Variants in CORO1C observed in about 807,000 individuals in gnomAD.
CORO1C encodes the protein coronin-1C.
Under a neutral mutation model 51.2 loss-of-function variants are expected in CORO1C, and 14 were observed. That is an observed-to-expected ratio of 0.27 (90% CI 0.18 to 0.43). The LOEUF (loss-of-function observed/expected upper bound fraction) is 0.43. Ranked by LOEUF, CORO1C falls within the 20% of genes least tolerant of loss-of-function variation. The pLI is 1.00. For synonymous variants in CORO1C, 181 were observed against 210.5 expected, an observed-to-expected ratio of 0.86 and a Z score of 1.21; for missense variants, 417 against 607.8, an observed-to-expected ratio of 0.69 and a Z score of 3.30.
chr12:108,678,261 TG>T lies in CORO1C; in HGVS notation c.318+10del, dbSNP rs2033981964. On this transcript the variant is annotated intron_variant, in intron 3 of 10. Coordinates refer to ENST00000261401, the MANE Select transcript of CORO1C (RefSeq NM_014325.4). ...ACTGGCCTGTGTGCACACAACACCC[TG>T]GGAGCTTACCATGACCGTGCAGTCC... is the stretch of plus-strand genomic sequence containing the variant. The T allele has an allele frequency of 1.2e-6, 2 of 1,607,272 alleles. No homozygotes were observed. Among genetic ancestry groups the T allele is most frequent in the East Asian group, 4.5e-5 (2 of 44,586 alleles).
At chr12:108,728,944 AAGT>A (rs1391498332) in intron 1 of CORO1C, among the ~76,000 whole-genome samples, 1 of 152,226 alleles carries the variant, frequency 6.6e-6, no homozygotes, top group African/African-American at 2.4e-5. Flanking sequence ...TTGAAAATGC[AAGT>A]AGCTCTCAAA....
rs1206864121 is a variant in CORO1C at position 108,678,294 on chromosome 12, C to A, written c.296G>T (p.Gly99Val). ...TACCATGACCGTGCAGTCCTCTGAA[C>A]CGCTGGCAATGACCTGATCGTTATG... ...CPHNDQVIAS[G>V]SEDCTVMVWQ... Residue 99 changes from glycine to valine, a missense_variant, in exon 3 of 11, where the codon GGT becomes GTT. Transcript: ENST00000261401. The A allele has an allele frequency of 1.9e-6, 3 of 1,613,052 alleles. No individual in the cohort carries two copies. Among genetic ancestry groups the A allele is most frequent in the East Asian group, 4.5e-5 (2 of 44,838 alleles).
In CORO1C at chr12:108,705,859, G is replaced by GA. The variant is rs201586994; in HGVS notation, c.-5-4537dup. On this transcript the variant is annotated intron_variant, in intron 1 of 10. Coordinates refer to ENST00000261401, the MANE Select transcript of CORO1C (RefSeq NM_014325.4). ...AACGTAACACATTATATCAATAGAAGAAAAAAAAATCACACAATTATCTCA... is the reference window on the plus strand; with the variant it reads ...AACGTAACACATTATATCAATAGAAGAAAAAAAAAATCACACAATTATCTCA... 4.1e-3 allele frequency among the ~76,000 whole-genome samples: 627 copies of GA among 151,480 alleles called. 1 individual carries two copies. Among genetic ancestry groups the GA allele is most frequent in the Non-Finnish European group, 6.7e-3 (457 of 67,766 alleles).
chr12:108,655,181 T>C (rs1038617535), intron 6 of CORO1C, among the ~76,000 whole-genome samples: 1 of 152,208 alleles, frequency 6.6e-6, no homozygotes, highest in Non-Finnish European at 1.5e-5. Flanking sequence ...GAGATTGAGA[T>C]GATAGAATGT....
intron 1 of CORO1C, among the ~76,000 whole-genome samples, chr12:108,712,720 G>A (rs538464081): frequency 7.3e-5 from 11 of 151,712 alleles, no homozygotes; most frequent in East Asian, 3.9e-4. Flanking sequence ...GTTGGCTCAC[G>A]CCTGCAATCT....
At chr12:108,715,828 T>A (rs1235083352) in intron 1 of CORO1C, among the ~76,000 whole-genome samples, 1 of 151,882 alleles carries the variant, frequency 6.6e-6, no homozygotes, top group African/African-American at 2.4e-5. Context: ...GACCTAGCAA[T>A]CTCACTTAAA....
intron 3 of CORO1C, among the ~76,000 whole-genome samples, chr12:108,662,398 GTGGCGCGA>G (rs1358181062): frequency 2.0e-5 from 3 of 152,208 alleles, no homozygotes; most frequent in Admixed American, 6.5e-5. Flanking sequence ...CTGGAGTGCA[GTGGCGCGA>G]TCTCGGCTCA....
At chr12:108,689,433 A>T (rs1477386670) in intron 2 of CORO1C, among the ~76,000 whole-genome samples, 4 of 152,316 alleles carry the variant, frequency 2.6e-5, no homozygotes, top group African/African-American at 7.2e-5. Context: ...TATCCCACAC[A>T]CAATTTCTTT....
chr12:108,657,249 C>G, intron 6 of CORO1C, 55 bp downstream of exon 6: 1 of 1,585,494 alleles, frequency 6.3e-7, no homozygotes, highest in Non-Finnish European at 8.6e-7. Context: ...AAGACCTGCT[C>G]AGAACAGAGA....
chr12:108,705,503 C>T (rs1431681433), intron 1 of CORO1C, among the ~76,000 whole-genome samples: 2 of 136,864 alleles, frequency 1.5e-5, no homozygotes, highest in African/African-American at 5.4e-5. Context: ...CAACCACAGA[C>T]AAGAAAGCCC....
chr12:108,678,115 A>C (rs986410134), intron 3 of CORO1C, among the ~76,000 whole-genome samples, 157 bp downstream of exon 3: 6 of 152,198 alleles, frequency 3.9e-5, no homozygotes, highest in African/African-American at 1.4e-4. Context: ...TTAAACTTAA[A>C]CGTAGTAAAT....
chr12:108,700,968 C>T, intron 2 of CORO1C, 156 bp downstream of exon 2: 1 of 800,350 alleles, frequency 1.2e-6, no homozygotes, highest in South Asian at 1.7e-5. Flanking sequence ...TAGAGAAAAA[C>T]TGATGTGGTT....
At chr12:108,680,162 T>A (rs2034072778) in intron 2 of CORO1C, among the ~76,000 whole-genome samples, 2 of 152,080 alleles carry the variant, frequency 1.3e-5, no homozygotes. Context: ...TGGAGCCCAG[T>A]GAGAGGAGAG....
At chr12:108,699,549 T>C (rs967004391) in intron 2 of CORO1C, among the ~76,000 whole-genome samples, 1 of 152,196 alleles carries the variant, frequency 6.6e-6, no homozygotes. Flanking sequence ...TAACAAGCTA[T>C]GGCTGTCTTC....
At chr12:108,716,590 T>C (rs1254442904) in intron 1 of CORO1C, among the ~76,000 whole-genome samples, 1 of 152,216 alleles carries the variant, frequency 6.6e-6, no homozygotes, top group Non-Finnish European at 1.5e-5. Flanking sequence ...CTGGCTTGGA[T>C]GTCAGACACA....
At chr12:108,666,316 G>A (rs545485762) in intron 3 of CORO1C, among the ~76,000 whole-genome samples, 1 of 152,320 alleles carries the variant, frequency 6.6e-6, no homozygotes, top group South Asian at 2.1e-4. Context: ...ACTGCAATGC[G>A]AGAAGAAAGT....
intron 2 of CORO1C, among the ~76,000 whole-genome samples, chr12:108,681,367 T>A (rs188331987): frequency 4.9e-4 from 75 of 152,320 alleles, no homozygotes; most frequent in African/African-American, 1.7e-3. Context: ...AAATCCCACC[T>A]CCGGCAGTAT....
At chr12:108,654,984 G>A (rs1435908238) in intron 6 of CORO1C, among the ~76,000 whole-genome samples, 1 of 152,140 alleles carries the variant, frequency 6.6e-6, no homozygotes, top group African/African-American at 2.4e-5. Context: ...GGGATTACAG[G>A]AATGGCCACT....
rs577758512 is a variant in CORO1C, at chr12:108,701,010, A to C, written c.195+114T>G. The C allele has an allele frequency of 2.2e-4, 259 of 1,165,366 alleles. No individual in the cohort carries two copies. The African/African-American group carries it at 3.6e-3, about 16-fold the overall frequency. The allele number at this position is 1,165,366 out of a possible 1,614,324, so 72.2% of individuals were successfully genotyped here. ...GCGTGTGGAACTTAACTTCAATTAC[A>C]TCAGAGTCTAATGGTTTCACAAATA... On this transcript the variant is annotated intron_variant, in intron 2 of 10. Coordinates refer to ENST00000261401, the MANE Select transcript of CORO1C (RefSeq NM_014325.4).
Sources: gnomAD v4.1 joint callset for allele counts (sites outside exome capture counted in the v4.1 genomes callset) on GRCh38, gnomAD v4.1.1 for gene constraint, MANE v1.5 for transcripts, NCBI Gene and HGNC (gene_info 2026-07-23, HGNC 2026-07-21) for gene names.